Variants in CNDP2 observed in about 807,000 individuals in gnomAD.
The protein encoded by CNDP2 is carnosine dipeptidase 2.
Under a neutral mutation model 55.0 loss-of-function variants are expected in CNDP2, and 38 were observed. That is an observed-to-expected ratio of 0.69 (90% confidence interval 0.53 to 0.90). The LOEUF is 0.90. Ranked by LOEUF, CNDP2 falls within the 40% of genes least tolerant of loss-of-function variation. The pLI is 0.00. For synonymous variants in CNDP2, 241 were observed against 260.2 expected, an observed-to-expected ratio of 0.93 and a Z score of 0.71; for missense variants, 607 against 621.7, an observed-to-expected ratio of 0.98 and a Z score of 0.25.
intron 6 of CNDP2, among the ~76,000 whole-genome samples, chr18:74,511,488 C>G (rs1979349861): frequency 6.6e-6 from 1 of 152,100 alleles, no homozygotes; most frequent in Non-Finnish European, 1.5e-5. Flanking sequence ...AGATGGATCA[C>G]TTGAGGTCAG....
At position 74,505,924 on chromosome 18, in the gene CNDP2, G is replaced by C; in HGVS notation, c.280G>C (p.Val94Leu). Residue 94 changes from valine to leucine, a missense_variant, in exon 4 of 12, where the codon GTG becomes CTG. Physicochemically the swap from Val to Leu is conservative, Grantham distance 32. Coordinates refer to ENST00000324262, the MANE Select transcript of CNDP2 (RefSeq NM_018235.3). ...RLGSDPQKKT[V>L]CIYGHLDVQP... is the part of the protein sequence containing the mutation. The stretch of plus-strand genomic sequence containing the variant: ...GGGCTCCGACCCACAGAAGAAGACC[G>C]TGTGCATTTACGGGCACCTGGATGT... 6.2e-7 allele frequency: 1 copy of C among 1,612,188 alleles called. No homozygotes were observed. Among genetic ancestry groups the C allele is most frequent in the South Asian group, 1.1e-5 (1 of 90,804 alleles).
chr18:74,500,220 G>A (rs901314015), intron 2 of CNDP2, among the ~76,000 whole-genome samples, 187 bp downstream of exon 2: 1 of 152,186 alleles, frequency 6.6e-6, no homozygotes, highest in African/African-American at 2.4e-5. Context: ...AAGTGTTAAT[G>A]TATGTTTCTA....
intron 6 of CNDP2, 131 bp from the exon 7 acceptor site, chr18:74,512,317 T>C: frequency 1.4e-6 from 1 of 737,822 alleles, no homozygotes; most frequent in Non-Finnish European, 2.2e-6. Flanking sequence ...CTTGCTTTGC[T>C]CCCTGAGGGA....
Position 74,510,754 on chromosome 18 carries a change from G to T in CNDP2, c.457-59G>T, listed in dbSNP as rs79359709. 41,340 of 1,421,702 alleles carry T rather than the reference G, an allele frequency of 0.029. 733 individuals carry two copies. Among genetic ancestry groups the T allele is most frequent in the Non-Finnish European group, 0.034 (34,610 of 1,019,132 alleles). The allele number at this position is 1,421,702 out of a possible 1,614,324, so 88.1% of individuals were successfully genotyped here. On this transcript the variant is annotated intron_variant, in intron 5 of 11. Transcript: ENST00000324262. ...TGTGAAATATGTAATCCTGAGTGTG[G>T]CTTCTAGAAGGAAGGTTCGCAAAGC...
chr18:74,503,721 T>A (rs963319039), intron 3 of CNDP2, among the ~76,000 whole-genome samples: 6 of 152,260 alleles, frequency 3.9e-5, no homozygotes, highest in Admixed American at 1.3e-4. Flanking sequence ...GGGTACAGGC[T>A]GTCCTGGTGA....
At chr18:74,509,327 T>C in intron 5 of CNDP2, 1 of 169,124 alleles carries the variant, frequency 5.9e-6, no homozygotes, top group Non-Finnish European at 1.3e-5. Context: ...ATTCTGATTT[T>C]TAAAATGTAT....
rs771642962 is a variant in CNDP2, at chr18:74,505,983, C to T, written c.339C>T (p.Ser113=). ...CAGCCCTGGAGGACGGCTGGGACAG[C>T]GAGCCCTTCACCCTGGTGGAGCGAG... ...QPAALEDGWD[S]EPFTLVERDG... Residue 113 remains serine (S), a synonymous_variant, in exon 4 of 12, where the codon AGC becomes AGT. Coordinates refer to ENST00000324262, the MANE Select transcript of CNDP2 (RefSeq NM_018235.3). The T allele has an allele frequency of 2.6e-5, 41 of 1,602,692 alleles. No individual in the cohort carries two copies. The highest frequency in any genetic ancestry group is 1.6e-4 in the South Asian group (14 of 89,904).
chr18:74,519,047 G>T lies in CNDP2; in HGVS notation c.1309G>T (p.Val437Leu), dbSNP rs902379232. The T allele has an allele frequency of 6.2e-7, 1 of 1,613,958 alleles. No homozygotes were observed. Residue 437 changes from valine (V) to leucine (L), a missense_variant, in exon 11 of 12, where the codon GTG (valine) becomes TTG (leucine). Transcript: ENST00000324262. ...GGGCAAGAACGTCATGCTGCTGCCT[G>T]TGGGGTCAGCGGATGACGGAGCCCA... The part of the protein sequence containing the change: ...ATGKNVMLLP[V>L]GSADDGAHSQ...
Position 74,518,753 on chromosome 18 carries a change from G to T in CNDP2, c.1210+113G>T, listed in dbSNP as rs185387414. 2.0e-3 allele frequency: 2,931 copies of T among 1,487,452 alleles called. 109 individuals are homozygous for T. The Admixed American group carries it at 0.049, about 25-fold the overall frequency. The allele number at this position is 1,487,452 out of a possible 1,614,324, so 92.1% of individuals were successfully genotyped here. A position where few individuals can be genotyped will look rare whatever the true frequency, so the allele number is the denominator to read the frequency against. On this transcript the variant is annotated intron_variant, in intron 10 of 11. Coordinates refer to ENST00000324262, the MANE Select transcript of CNDP2 (RefSeq NM_018235.3). ...GTCGGGGGCGCTGCTGTATCGTGGG[G>T]GCGTGTAGTTAAGTCAGCATGAGGA...
chr18:74,504,355 C>T (rs566160824), intron 3 of CNDP2, among the ~76,000 whole-genome samples: 10 of 151,988 alleles, frequency 6.6e-5, no homozygotes, highest in East Asian at 3.9e-4. Context: ...GCCACACTGC[C>T]GCTGGGACAA....
At chr18:74,505,683 AAATCTT>A (rs1317449994) in intron 3 of CNDP2, among the ~76,000 whole-genome samples, 160 bp from the exon 4 acceptor site, 2 of 152,242 alleles carry the variant, frequency 1.3e-5, no homozygotes, top group Admixed American at 6.5e-5. Context: ...GTAAGAAAGT[AAATCTT>A]AATTAGTGAC....
At chr18:74,504,123 C>T (rs1789312678) in intron 3 of CNDP2, among the ~76,000 whole-genome samples, 1 of 148,402 alleles carries the variant, frequency 6.7e-6, no homozygotes, top group Non-Finnish European at 1.5e-5. Context: ...ACACGCCACA[C>T]ACGCAGCCAC....
rs547676820 is a variant in CNDP2 at position 74,503,144 on chromosome 18, A to G, written c.204+1672A>G. ...TCATTTTTAGGAGTTGTTTCATTAC[A>G]ATAGTTATATTTACTTCGTTGATCA... On this transcript the variant is annotated intron_variant, in intron 3 of 11. Coordinates refer to ENST00000324262, the MANE Select transcript of CNDP2 (RefSeq NM_018235.3). Among the ~76,000 whole-genome samples the G allele has an allele frequency of 2.3e-4, 35 of 150,956 alleles. No homozygotes were observed. In the Admixed American group the frequency reaches 2.3e-3, roughly 10 times the overall value.
chr18:74,513,526 C>T, intron 7 of CNDP2, 33 bp from the exon 8 acceptor site: 1 of 1,592,540 alleles, frequency 6.3e-7, no homozygotes, highest in Non-Finnish European at 8.5e-7. Flanking sequence ...GCGGCCTCCC[C>T]TGAGTGCTGT....
In CNDP2 at chr18:74,516,264, C is replaced by A; in HGVS notation, c.940C>A (p.Leu314Met). The A allele has an allele frequency of 6.2e-7, 1 of 1,614,080 alleles. No individual in the cohort carries two copies. The highest frequency in any genetic ancestry group is 8.5e-7 in the Non-Finnish European group (1 of 1,179,964). ...CATGCACCGATGGCGGTACCCGTCT[C>A]TGTCCCTCCATGGCATCGAAGGCGC... ...ILMHRWRYPSLSLHGIEGAFS... is the reference protein window; with the variant it reads ...ILMHRWRYPSMSLHGIEGAFS... The change falls in exon 9 of 12, where the codon CTG becomes ATG. Residue 314 changes from leucine to methionine, a missense_variant. Transcript: ENST00000324262.
At chr18:74,501,280 C>T (rs1041192917) in intron 2 of CNDP2, 49 bp from the exon 3 acceptor site, 1 of 1,586,008 alleles carries the variant, frequency 6.3e-7, no homozygotes, top group Non-Finnish European at 8.6e-7. Flanking sequence ...CCTCTTCTCC[C>T]TCAAGGACAC....
rs747520460 is a variant in CNDP2 at position 74,508,887 on chromosome 18, G to A, written c.415G>A (p.Gly139Ser). The part of the protein sequence containing the change: ...GSTDDKGPVA[G>S]WINALEAYQK... ...GACTGATGATAAGGGCCCGGTGGCC[G>A]GCTGGATAAACGCCCTGGAAGCGTA... Residue 139 changes from glycine (G) to serine (S), a missense_variant, in exon 5 of 12, where the codon GGC becomes AGC. Coordinates refer to ENST00000324262, the MANE Select transcript of CNDP2 (RefSeq NM_018235.3). 5.8e-5 allele frequency: 93 copies of A among 1,613,976 alleles called. 1 individual carries two copies. Among genetic ancestry groups the A allele is most frequent in the Middle Eastern group, 3.3e-4 (2 of 6,080 alleles).
intron 5 of CNDP2, among the ~76,000 whole-genome samples, chr18:74,510,060 G>C (rs957362077): frequency 6.6e-6 from 1 of 152,222 alleles, no homozygotes; most frequent in Non-Finnish European, 1.5e-5. Context: ...TGCAGTGGAG[G>C]CACCTCGGGC....
chr18:74,515,296 G>A (rs1292803236), intron 8 of CNDP2, among the ~76,000 whole-genome samples: 1 of 152,204 alleles, frequency 6.6e-6, no homozygotes, highest in Non-Finnish European at 1.5e-5. Context: ...GCAGGCACGG[G>A]AGCCTTGGCT....
Sources: gnomAD v4.1 joint callset for allele counts (sites outside exome capture counted in the v4.1 genomes callset) on GRCh38, gnomAD v4.1.1 for gene constraint, MANE v1.5 for transcripts, NCBI Gene and HGNC (gene_info 2026-07-23, HGNC 2026-07-21) for gene names.